CHODL: variants seen among roughly 807,000 people sequenced by gnomAD.
CHODL encodes the protein chondrolectin.
CHODL carries 29 observed loss-of-function variants against 34.5 expected under a neutral mutation model. The ratio of observed to expected loss-of-function variants is 0.84; its 90% confidence interval spans 0.63 to 1.15. CHODL has a LOEUF of 1.15. Ranked by LOEUF, CHODL falls within the 50% of genes most tolerant of loss-of-function variation. The pLI, the probability that CHODL is intolerant of heterozygous loss-of-function variation, is 0.00. For synonymous variants in CHODL, 125 were observed against 116.1 expected, an observed-to-expected ratio of 1.08 and a Z score of -0.49; for missense variants, 332 against 332.5, an observed-to-expected ratio of 1.00 and a Z score of 0.01.
chr21:18,047,978 C>T (rs1024794405), intron 2 of CHODL, among the ~76,000 whole-genome samples: 8 of 151,912 alleles, frequency 5.3e-5, no homozygotes, highest in African/African-American at 1.9e-4. Context: ...ATTGCTTGTG[C>T]TGTATCTCTT....
In CHODL at chr21:18,147,800, T is replaced by C. The variant is rs567324954; in HGVS notation, c.-44-108709T>C. 7.9e-5 allele frequency among the ~76,000 whole-genome samples: 12 copies of C among 152,292 alleles called. 1 individual carries two copies. The South Asian group carries it at 2.1e-3, about 26-fold the overall frequency. On this transcript the variant is annotated intron_variant, in intron 2 of 6. Coordinates refer to the CHODL transcript ENST00000400127. ...ACTTATCTAATAGTTTCTCCCTTCA[T>C]TGTTTTGAAATCCAGTTTTGCTCAG...
intron 1 of CHODL, among the ~76,000 whole-genome samples, chr21:17,947,912 C>G (rs989405686): frequency 2.0e-5 from 3 of 152,138 alleles, no homozygotes; most frequent in African/African-American, 4.8e-5. Flanking sequence ...AAGTGTGCAT[C>G]AGCAGATGAT....
chr21:18,201,288 G>C (rs1390752954), intron 2 of CHODL, among the ~76,000 whole-genome samples: 1 of 151,982 alleles, frequency 6.6e-6, no homozygotes, highest in Non-Finnish European at 1.5e-5. Flanking sequence ...TTAGGGCTTA[G>C]ATTTTATAAA....
At chr21:17,918,561 T>TC (rs888157891) in intron 1 of CHODL, among the ~76,000 whole-genome samples, 7 of 151,918 alleles carry the variant, frequency 4.6e-5, no homozygotes, top group Non-Finnish European at 8.8e-5. Flanking sequence ...TTTAATCACT[T>TC]CCCCCCGGGT....
intron 2 of CHODL, among the ~76,000 whole-genome samples, chr21:18,074,044 A>T (rs564316256): frequency 9.7e-4 from 148 of 152,212 alleles, no homozygotes; most frequent in African/African-American, 3.4e-3. Context: ...TCGAAAGAAT[A>T]CTTTGATTAT....
intron 2 of CHODL, among the ~76,000 whole-genome samples, chr21:18,092,999 C>G (rs2065092494): frequency 1.3e-5 from 2 of 152,164 alleles, no homozygotes; most frequent in South Asian, 2.1e-4. Context: ...TTATAGAACA[C>G]CAAGCAGATT....
chr21:18,073,571 C>T (rs544910988), intron 2 of CHODL, among the ~76,000 whole-genome samples: 30 of 151,964 alleles, frequency 2.0e-4, no homozygotes, highest in Non-Finnish European at 3.8e-4. Context: ...AAAATTTCCA[C>T]CTTATCTTTT....
At chr21:18,218,850 T>C (rs1394054919) in intron 2 of CHODL, among the ~76,000 whole-genome samples, 1 of 152,168 alleles carries the variant, frequency 6.6e-6, no homozygotes, top group Non-Finnish European at 1.5e-5. Flanking sequence ...CTCATCTCCA[T>C]CTGAGACCAC....
At chr21:18,255,498 G>A (rs2074304903) in intron 1 of CHODL, among the ~76,000 whole-genome samples, 1 of 151,986 alleles carries the variant, frequency 6.6e-6, no homozygotes, top group African/African-American at 2.4e-5. Flanking sequence ...TCTGCTAAAT[G>A]TTTATTACCT....
At chr21:17,935,388 C>A (rs938073828) in intron 1 of CHODL, among the ~76,000 whole-genome samples, 9 of 152,194 alleles carry the variant, frequency 5.9e-5, no homozygotes, top group Non-Finnish European at 1.2e-4. Flanking sequence ...TCCAGGTATT[C>A]TAGCTTGAGA....
intron 1 of CHODL, among the ~76,000 whole-genome samples, chr21:17,975,896 C>A (rs1048449449): frequency 3.3e-5 from 5 of 152,064 alleles, no homozygotes; most frequent in South Asian, 2.1e-4. Flanking sequence ...CCCAAAACAA[C>A]AAACCAACAG....
chr21:18,065,615 A>C (rs774858834), intron 2 of CHODL, among the ~76,000 whole-genome samples: 3 of 152,198 alleles, frequency 2.0e-5, no homozygotes, highest in Non-Finnish European at 4.4e-5. Context: ...GAAGCCTCAG[A>C]AAAGAACCAG....
intron 1 of CHODL, among the ~76,000 whole-genome samples, chr21:17,988,269 A>G (rs924480564): frequency 3.3e-5 from 5 of 152,052 alleles, no homozygotes; most frequent in Non-Finnish European, 5.9e-5. Context: ...ACAATGTGGC[A>G]TTCAAATCCC....
chr21:18,094,444 G>A (rs184324176), intron 2 of CHODL, among the ~76,000 whole-genome samples: 3 of 152,064 alleles, frequency 2.0e-5, no homozygotes, highest in African/African-American at 7.2e-5. Flanking sequence ...TTATTCTCAA[G>A]GATAAACCAT....
intron 2 of CHODL, among the ~76,000 whole-genome samples, chr21:18,163,976 A>T (rs1194987684): frequency 6.6e-6 from 1 of 152,228 alleles, no homozygotes. Context: ...ACAATAGATT[A>T]AAGGCTTACA....
intron 1 of CHODL, among the ~76,000 whole-genome samples, chr21:18,003,926 T>C (rs149783): frequency 2.0e-5 from 3 of 151,962 alleles, no homozygotes; most frequent in African/African-American, 7.3e-5. Context: ...TCTCATTATA[T>C]ATTACAGAGG....
At chr21:18,099,336 C>T (rs1042530084) in intron 2 of CHODL, among the ~76,000 whole-genome samples, 2 of 151,862 alleles carry the variant, frequency 1.3e-5, no homozygotes, top group Middle Eastern at 3.4e-3. Context: ...ACCAAAACAC[C>T]TCATGTACCC....
At chr21:18,088,624 A>G (rs915090510) in intron 2 of CHODL, among the ~76,000 whole-genome samples, 2 of 152,148 alleles carry the variant, frequency 1.3e-5, no homozygotes, top group South Asian at 2.1e-4. Context: ...CAATTTCCAG[A>G]TGGGCAAGCT....
intron 1 of CHODL, among the ~76,000 whole-genome samples, chr21:17,979,982 C>A (rs1343472971): frequency 6.6e-6 from 1 of 151,954 alleles, no homozygotes; most frequent in Admixed American, 6.6e-5. Context: ...CATGAGGTTT[C>A]TTTTCCTACT....
Sources: gnomAD v4.1 joint callset for allele counts (sites outside exome capture counted in the v4.1 genomes callset) on GRCh38, gnomAD v4.1.1 for gene constraint, MANE v1.5 for transcripts, NCBI Gene and HGNC (gene_info 2026-07-23, HGNC 2026-07-21) for gene names.